The following PRKAR2B variants were observed in gnomAD, a reference collection of about 807,000 sequenced individuals.
The protein encoded by PRKAR2B is cAMP-dependent protein kinase type II-beta regulatory subunit.
Under a neutral mutation model 49.9 loss-of-function variants are expected in PRKAR2B, and 14 were observed. The observed-to-expected ratio is 0.28, with a 90% CI of 0.19 to 0.44. PRKAR2B has a LOEUF of 0.44. Among genes scored for constraint, PRKAR2B ranks in the 20% least tolerant of loss-of-function variants. PRKAR2B has a pLI of 1.00. For missense variants in PRKAR2B, 393 were observed against 537.9 expected, an observed-to-expected ratio of 0.73 and a Z score of 2.67; for synonymous variants, 196 against 197.7, an observed-to-expected ratio of 0.99 and a Z score of 0.07.
chr7:107,093,956 G>A (rs1794786355), intron 2 of PRKAR2B, among the ~76,000 whole-genome samples: 1 of 152,100 alleles, frequency 6.6e-6, no homozygotes, highest in East Asian at 1.9e-4. Context: ...ATTGTGAATA[G>A]TGCCGCAATA....
At chr7:107,141,168 T>C (rs185757758) in intron 5 of PRKAR2B, among the ~76,000 whole-genome samples, 12 of 152,244 alleles carry the variant, frequency 7.9e-5, no homozygotes, top group African/African-American at 2.9e-4. Flanking sequence ...ACTAATGACT[T>C]TTGGTTAGTC....
intron 1 of PRKAR2B, among the ~76,000 whole-genome samples, chr7:107,067,670 A>G (rs1778833990): frequency 6.6e-6 from 1 of 152,246 alleles, no homozygotes; most frequent in African/African-American, 2.4e-5. Flanking sequence ...TGGAGGCTCT[A>G]TGAATATAAA....
intron 5 of PRKAR2B, among the ~76,000 whole-genome samples, chr7:107,145,666 A>AC (rs2115652107): frequency 6.7e-6 from 1 of 150,224 alleles, no homozygotes; most frequent in South Asian, 2.1e-4. Context: ...TGATCCTCTT[A>AC]CCTTGGACTT....
At chr7:107,106,270 C>A (rs1241757572) in intron 2 of PRKAR2B, among the ~76,000 whole-genome samples, 1 of 152,142 alleles carries the variant, frequency 6.6e-6, no homozygotes, top group African/African-American at 2.4e-5. Flanking sequence ...TCTTGGGAAC[C>A]CCTCTGGTAA....
intron 10 of PRKAR2B, among the ~76,000 whole-genome samples, chr7:107,158,856 A>C (rs149768020): frequency 6.6e-6 from 1 of 152,276 alleles, no homozygotes; most frequent in African/African-American, 2.4e-5. Flanking sequence ...ATAGAGTATG[A>C]TCATATTTTC....
At chr7:107,105,376 AT>A (rs1795052365) in intron 2 of PRKAR2B, among the ~76,000 whole-genome samples, 1 of 152,220 alleles carries the variant, frequency 6.6e-6, no homozygotes, top group South Asian at 2.1e-4. Flanking sequence ...CAGTAAAGGA[AT>A]AGGACACTTA....
intron 2 of PRKAR2B, among the ~76,000 whole-genome samples, chr7:107,085,402 G>A (rs190538299): frequency 1.8e-4 from 28 of 152,230 alleles, no homozygotes; most frequent in African/African-American, 6.5e-4. Context: ...TTTCCAAAAT[G>A]TAATATTTAT....
At chr7:107,095,775 A>G (rs375994934) in intron 2 of PRKAR2B, among the ~76,000 whole-genome samples, 1 of 152,002 alleles carries the variant, frequency 6.6e-6, no homozygotes, top group African/African-American at 2.4e-5. Flanking sequence ...TGGTTTTTGT[A>G]TTTGGTTCTG....
intron 7 of PRKAR2B, among the ~76,000 whole-genome samples, chr7:107,152,894 C>T (rs1374108296): frequency 6.6e-6 from 1 of 152,164 alleles, no homozygotes; most frequent in Non-Finnish European, 1.5e-5. Context: ...GATTGGAGAA[C>T]ATGTATTTCA....
Position 107,131,895 on chromosome 7 carries a change from C to G in PRKAR2B, c.480+3600C>G, listed in dbSNP as rs73187304. On this transcript the variant is annotated intron_variant, in intron 4 of 10. Coordinates refer to ENST00000265717, the MANE Select transcript of PRKAR2B (RefSeq NM_002736.3). ...TATTCAGCTTATATAATCTGCTTAT[C>G]ATGCAGCTCCTTTCATTTTAATTTC... Among the ~76,000 whole-genome samples, 895 of 152,326 alleles carry G rather than the reference C, an allele frequency of 5.9e-3. 3 individuals carry two copies. The highest frequency in any genetic ancestry group is 8.6e-3 in the Non-Finnish European group (584 of 68,034).
chr7:107,129,106 C>G (rs572670478), intron 4 of PRKAR2B: 10 of 152,276 alleles, frequency 6.6e-5, no homozygotes, highest in African/African-American at 1.9e-4. Flanking sequence ...AGCATTAAAT[C>G]AATACCTGCT....
At chr7:107,147,767 T>C (rs1795919247) in intron 6 of PRKAR2B, among the ~76,000 whole-genome samples, 1 of 152,244 alleles carries the variant, frequency 6.6e-6, no homozygotes, top group South Asian at 2.1e-4. Flanking sequence ...CCACTAGTTT[T>C]GACATGCATT....
intron 2 of PRKAR2B, among the ~76,000 whole-genome samples, chr7:107,080,118 G>A (rs1009644435): frequency 1.3e-5 from 2 of 152,090 alleles, no homozygotes; most frequent in African/African-American, 4.8e-5. Flanking sequence ...AAAACTGTGA[G>A]CCAGGTACCA....
intron 2 of PRKAR2B, among the ~76,000 whole-genome samples, chr7:107,096,403 T>C (rs776506414): frequency 3.3e-5 from 5 of 152,170 alleles, no homozygotes; most frequent in Non-Finnish European, 5.9e-5. Flanking sequence ...TTTTATTCTT[T>C]GTTAGTCTTG....
chr7:107,090,267 C>T (rs116865975), intron 2 of PRKAR2B, among the ~76,000 whole-genome samples: 78 of 152,288 alleles, frequency 5.1e-4, no homozygotes, highest in South Asian at 1.2e-3. Flanking sequence ...TTCTCTCTTG[C>T]GGCCAGCTAC....
chr7:107,080,495 T>TTG (rs1794494020), intron 2 of PRKAR2B, among the ~76,000 whole-genome samples: 1 of 152,128 alleles, frequency 6.6e-6, no homozygotes, highest in Non-Finnish European at 1.5e-5. Context: ...GTGAACACAT[T>TTG]ATGCCCTTGA....
intron 1 of PRKAR2B, among the ~76,000 whole-genome samples, chr7:107,062,263 C>T (rs1395889396): frequency 6.6e-6 from 1 of 152,032 alleles, no homozygotes; most frequent in Non-Finnish European, 1.5e-5. Flanking sequence ...AATGAAAAGA[C>T]AAGCACAAGA....
intron 2 of PRKAR2B, among the ~76,000 whole-genome samples, chr7:107,116,867 A>G (rs754894009): frequency 1.9e-4 from 27 of 145,914 alleles, no homozygotes; most frequent in Non-Finnish European, 3.9e-4. Context: ...ATATATATAC[A>G]TATATATATA....
intron 2 of PRKAR2B, among the ~76,000 whole-genome samples, chr7:107,107,119 C>T (rs965851915): frequency 2.0e-5 from 3 of 152,144 alleles, no homozygotes; most frequent in African/African-American, 4.8e-5. Context: ...GGTGGATCAC[C>T]TGAGGTCAGG....
Sources: allele counts gnomAD v4.1 joint callset (sites outside exome capture counted in the v4.1 genomes callset), GRCh38; gene constraint gnomAD v4.1.1; transcripts MANE v1.5; gene names NCBI Gene and HGNC (gene_info 2026-07-23, HGNC 2026-07-21).